MIGA2: variants seen among roughly 807,000 people sequenced by gnomAD.
MIGA2 encodes family with sequence similarity 73, member B.
MIGA2 carries 36 observed loss-of-function variants against 69.9 expected under a neutral mutation model. The ratio of observed to expected loss-of-function variants is 0.52; its 90% CI spans 0.39 to 0.68. The LOEUF is 0.68. MIGA2 is among the 30% of genes least tolerant of loss of function. The pLI is 0.00. For synonymous variants in MIGA2, 333 were observed against 349.2 expected (o/e 0.95, Z 0.52); for missense variants, 660 against 787.7 (o/e 0.84, Z 1.94).
Position 129,070,666 on chromosome 9 carries a change from A to G in MIGA2, c.*213A>G. The G allele has an allele frequency of 1.8e-6, 1 of 569,814 alleles. No homozygotes were observed. Among genetic ancestry groups the G allele is most frequent in the East Asian group, 2.9e-5 (1 of 34,886 alleles). The allele number at this position is 569,814 out of a possible 1,614,324, so 35.3% of individuals were successfully genotyped here. A position where few individuals can be genotyped will look rare whatever the true frequency, so the allele number is the denominator to read the frequency against. On this transcript the variant is annotated 3_prime_UTR_variant, in exon 16 of 16. Coordinates refer to ENST00000684074, the MANE Select transcript of MIGA2 (RefSeq NM_001329990.2). Reference sequence around the variant, plus strand: ...GGACCAGTGGGGCCTGTGGGAGAGAAAGGCTGTGAGAGAGGGGGTTGTTGT... The same window carrying G: ...GGACCAGTGGGGCCTGTGGGAGAGAGAGGCTGTGAGAGAGGGGGTTGTTGT...
rs539426540 is a variant in MIGA2, at chr9:129,068,459, C to T, written c.1404+127C>T. 123 of 1,358,822 alleles carry T rather than the reference C, an allele frequency of 9.1e-5. No individual in the cohort carries two copies. In the African/African-American group the frequency reaches 1.6e-3, roughly 17 times the overall value. 84.2% of individuals were successfully genotyped at this position (1,358,822 alleles called of 1,614,324 possible). On this transcript the variant is annotated intron_variant, in intron 13 of 15. Transcript: ENST00000684074. This position sits in a 1 kb window ranked among gnomAD's most constrained non-coding sequence, Gnocchi z 4.1. ...CCCCCACCCCCTAGATCCGCGGCTG[C>T]CAGGCCTGGGAGACCAGAGTCTGCC... is the stretch of plus-strand genomic sequence containing the variant.
At position 129,048,482 on chromosome 9, in the gene MIGA2, T is replaced by A. The variant is rs1435108505; in HGVS notation, c.363T>A (p.Ser121Arg). ...GCAGCAAGAGCAACGACACCCTGAG[T>A]GGCATCTCTTCCATTGAGCCCAGCA... The part of the protein sequence containing the change: ...SPSSKSNDTL[S>R]GISSIEPSKH... Residue 121 changes from serine (S) to arginine (R), a missense_variant, in exon 4 of 16, where the codon AGT (serine) becomes AGA (arginine). Coordinates refer to ENST00000684074, the MANE Select transcript of MIGA2 (RefSeq NM_001329990.2). 1 of 1,613,940 alleles carries A rather than the reference T, an allele frequency of 6.2e-7. No homozygotes were observed. The highest frequency in any genetic ancestry group is 1.7e-5 in the Admixed American group (1 of 60,010).
intron 6 of MIGA2, among the ~76,000 whole-genome samples, chr9:129,054,309 T>C (rs535828243): frequency 6.6e-6 from 1 of 151,918 alleles, no homozygotes; most frequent in South Asian, 2.1e-4. Context: ...AAAAAGTTAG[T>C]TGGGCATGGT....
rs764304026 is a variant in MIGA2, at chr9:129,068,541, A to G, written c.1404+209A>G. On this transcript the variant is annotated intron_variant, in intron 13 of 15. Transcript: ENST00000684074. This position sits in a 1 kb window ranked among gnomAD's most constrained non-coding sequence, Gnocchi z 4.1. ...CCTGGTGCCCCAGTTTAGAACCAAC[A>G]TGGTGTGCGCTTTCTTCCTATTGTG... 2.7e-5 allele frequency: 16 copies of G among 591,966 alleles called. No individual in the cohort carries two copies. Among genetic ancestry groups the G allele is most frequent in the Non-Finnish European group, 4.1e-5 (14 of 338,068 alleles). 36.7% of individuals were successfully genotyped at this position (591,966 alleles called of 1,614,324 possible).
rs550888899 is a variant in MIGA2, at chr9:129,050,558, C to T, written c.675+595C>T. The stretch of plus-strand genomic sequence containing the variant: ...AAAGTGCTGGGATTACAGGCGTGAG[C>T]CATCGTACCCAGCTGTTTTTTTTTT... On this transcript the variant is annotated intron_variant, in intron 6 of 15. Transcript: ENST00000684074. 3.1e-4 allele frequency among the ~76,000 whole-genome samples: 46 copies of T among 149,916 alleles called. No individual in the cohort carries two copies. In the South Asian group the frequency reaches 3.4e-3, roughly 11 times the overall value.
At chr9:129,038,353 G>A (rs890374184) in intron 1 of MIGA2, among the ~76,000 whole-genome samples, 1 of 152,140 alleles carries the variant, frequency 6.6e-6, no homozygotes, top group African/African-American at 2.4e-5. Flanking sequence ...AGGGAGACAG[G>A]GTCTGTCCTG....
Position 129,060,716 on chromosome 9 carries a change from G to A in MIGA2, c.894+66G>A, listed in dbSNP as rs1195020379. ...CTGGGCCTCCTCTGCAGGTCCATGG[G>A]GCCAGCACTGGGTCATGGGAAAGTG... On this transcript the variant is annotated intron_variant, in intron 8 of 15. Coordinates refer to ENST00000684074, the MANE Select transcript of MIGA2 (RefSeq NM_001329990.2). The surrounding 1 kb of genome is among the most constrained non-coding windows in gnomAD (Gnocchi z 4.8). The A allele has an allele frequency of 3.0e-6, 4 of 1,313,868 alleles. No homozygotes were observed. The highest frequency in any genetic ancestry group is 3.2e-6 in the Non-Finnish European group (3 of 940,438). 81.4% of individuals were successfully genotyped at this position (1,313,868 alleles called of 1,614,324 possible).
At chr9:129,063,353 C>G (rs755749077) in intron 10 of MIGA2, 37 bp downstream of exon 10, 1 of 1,606,952 alleles carries the variant, frequency 6.2e-7, no homozygotes, top group South Asian at 1.1e-5. Context: ...GGGTGGGAGG[C>G]AAGGGGTAGT....
At chr9:129,037,046 GC>G in intron 1 of MIGA2, 1 of 1,002,702 alleles carries the variant, frequency 1.0e-6, no homozygotes, top group Non-Finnish European at 1.2e-6. Context: ...CGGGGTGGGG[GC>G]AAGAGAAGAA....
At chr9:129,046,363 G>A (rs1845221955) in intron 3 of MIGA2, among the ~76,000 whole-genome samples, 4 of 152,118 alleles carry the variant, frequency 2.6e-5, no homozygotes, top group Middle Eastern at 3.4e-3. Context: ...CATGTATAGT[G>A]GCTTGTACCT....
chr9:129,053,361 C>G (rs1845643452), intron 6 of MIGA2, among the ~76,000 whole-genome samples: 1 of 151,588 alleles, frequency 6.6e-6, no homozygotes, highest in African/African-American at 2.4e-5. Flanking sequence ...CTGTCTATTG[C>G]TATAATTTTT....
At position 129,068,275 on chromosome 9, in the gene MIGA2, G is replaced by A. The variant is rs771895878; in HGVS notation, c.1347G>A (p.Pro449=). The change falls in exon 13 of 16, where the codon CCG becomes CCA. Residue 449 remains proline, a synonymous_variant. Coordinates refer to ENST00000684074, the MANE Select transcript of MIGA2 (RefSeq NM_001329990.2). This position sits in a 1 kb window ranked among gnomAD's most constrained non-coding sequence, Gnocchi z 4.1. ...MDAFEDLENP[P]ASVLAVLRNR... ...CCTTCGAGGACCTGGAGAACCCTCC[G>A]GCCTCGGTGCTCGCCGTCCTGCGGA... 49 of 1,612,674 alleles carry A rather than the reference G, an allele frequency of 3.0e-5. No individual in the cohort carries two copies. Among genetic ancestry groups the A allele is most frequent in the Non-Finnish European group, 3.7e-5 (44 of 1,179,928 alleles).
rs758862963 is a variant in MIGA2 at position 129,069,917 on chromosome 9, C to T, written c.1527C>T (p.Gly509=). 1.2e-5 allele frequency: 19 copies of T among 1,612,980 alleles called. No homozygotes were observed. The highest frequency in any genetic ancestry group is 5.1e-6 in the Non-Finnish European group (6 of 1,179,684). Residue 509 remains glycine (G), a synonymous_variant, in exon 15 of 16, where the codon GGC becomes GGT. Transcript: ENST00000684074. This position sits in a 1 kb window ranked among gnomAD's most constrained non-coding sequence, Gnocchi z 4.9. ...SEHVSPVLAF[G]FLGPKPQLAE... is the part of the protein sequence containing the mutation. ...ATGTGAGCCCTGTCCTAGCCTTCGG[C>T]TTCCTTGGACCCAAGCCTCAGCTTG...
In MIGA2 at chr9:129,068,947, C is replaced by T. The variant is rs900633618; in HGVS notation, c.1405-129C>T. The T allele has an allele frequency of 3.2e-5, 32 of 1,013,786 alleles. No individual in the cohort carries two copies. The highest frequency in any genetic ancestry group is 5.0e-5 in the Non-Finnish European group (32 of 645,750). 62.8% of individuals were successfully genotyped at this position (1,013,786 alleles called of 1,614,324 possible). A position where few individuals can be genotyped will look rare whatever the true frequency, so the allele number is the denominator to read the frequency against. On this transcript the variant is annotated intron_variant, in intron 13 of 15. Coordinates refer to ENST00000684074, the MANE Select transcript of MIGA2 (RefSeq NM_001329990.2). This position sits in a 1 kb window ranked among gnomAD's most constrained non-coding sequence, Gnocchi z 4.1. The stretch of plus-strand genomic sequence containing the variant: ...AGGAGGAAGCAGCAGAGCTTAGGCA[C>T]CTGGCCCCATCTTCCTGCTTGGAGT...
chr9:129,070,060 G>GCCTGCT, intron 15 of MIGA2, 95 bp downstream of exon 15: 1 of 1,280,134 alleles, frequency 7.8e-7, no homozygotes, highest in Non-Finnish European at 1.1e-6. Flanking sequence ...CTGGGCCTGG[G>GCCTGCT]CCTGCTCCCA....
At chr9:129,062,445 TC>T (rs1355388344) in intron 9 of MIGA2, among the ~76,000 whole-genome samples, 1 of 147,104 alleles carries the variant, frequency 6.8e-6, no homozygotes, top group Non-Finnish European at 1.5e-5. Flanking sequence ...GACAGGAGGA[TC>T]ACTTGAACCC....
intron 3 of MIGA2, among the ~76,000 whole-genome samples, chr9:129,043,480 A>G (rs1358838832): frequency 7.1e-6 from 1 of 141,498 alleles, no homozygotes; most frequent in Non-Finnish European, 1.5e-5. Context: ...TCGGCCTCTT[A>G]GGTTCAAGAG....
At chr9:129,049,589 C>A in intron 5 of MIGA2, 91 bp downstream of exon 5, 1 of 1,322,284 alleles carries the variant, frequency 7.6e-7, no homozygotes, top group Non-Finnish European at 1.1e-6. Flanking sequence ...GGTCACTTTG[C>A]CCCTCACTAC....
chr9:129,049,254 C>A, intron 4 of MIGA2, 127 bp from the exon 5 acceptor site: 3 of 854,736 alleles, frequency 3.5e-6, no homozygotes, highest in East Asian at 2.7e-5. Context: ...TGGCTAGGAA[C>A]AAGCTCAGGG....
Sources: allele counts gnomAD v4.1 joint callset (sites outside exome capture counted in the v4.1 genomes callset), GRCh38; gene constraint gnomAD v4.1.1; non-coding constraint Gnocchi (gnomAD v3.1); transcripts MANE v1.5; gene names NCBI Gene and HGNC (gene_info 2026-07-23, HGNC 2026-07-21).